Variants in THTPA observed in about 807,000 individuals in gnomAD.
The protein encoded by THTPA is thiamine triphosphatase, also known as thiamine-triphosphatase.
Under a neutral mutation model 16.5 loss-of-function variants are expected in THTPA, and 16 were observed. The observed-to-expected ratio is 0.97, with a 90% confidence interval of 0.66 to 1.47. The LOEUF (loss-of-function observed/expected upper bound fraction) is 1.47, where lower values mean the gene tolerates loss of function less well. Among genes scored for constraint, THTPA ranks in the 40% most tolerant of loss-of-function variants. The pLI, the probability that THTPA is intolerant of heterozygous loss-of-function variation, is 0.00. For missense variants in THTPA, 281 were observed against 280.9 expected (o/e 1.00, Z 0.00); for synonymous variants, 110 against 115.5 (o/e 0.95, Z 0.30).
the THTPA span, chr14:23,522,229 C>A: frequency 6.8e-7 from 1 of 1,478,640 alleles, no homozygotes; most frequent in South Asian, 1.3e-5. Context: ...ATGGGGGTGG[C>A]ATGGAGCCCC....
the THTPA span, among the ~76,000 whole-genome samples, chr14:23,517,779 C>T: frequency 6.6e-6 from 1 of 152,126 alleles, no homozygotes; most frequent in Admixed American, 6.5e-5. Flanking sequence ...TGCCATCCCC[C>T]TGTCCCCTCT....
the THTPA span, among the ~76,000 whole-genome samples, chr14:23,539,566 C>A: frequency 2.6e-5 from 4 of 152,110 alleles, no homozygotes; most frequent in African/African-American, 9.7e-5. Flanking sequence ...AGACAAAGGG[C>A]ATGGGCAAAG....
At chr14:23,540,773 T>C in the THTPA span, among the ~76,000 whole-genome samples, 1 of 152,216 alleles carries the variant, frequency 6.6e-6, no homozygotes, top group Non-Finnish European at 1.5e-5. Flanking sequence ...ATAGGTAACG[T>C]GTAAAGTGCA....
the THTPA span, among the ~76,000 whole-genome samples, chr14:23,516,138 G>A: frequency 6.6e-6 from 1 of 152,156 alleles, no homozygotes; most frequent in Admixed American, 6.5e-5. Flanking sequence ...AGAGGGCATA[G>A]AATCATTTCA....
chr14:23,525,944 T>G, the THTPA span: 2 of 1,477,020 alleles, frequency 1.4e-6, no homozygotes, highest in Admixed American at 2.2e-5. The surrounding 1 kb of genome is among the most constrained non-coding windows in gnomAD (Gnocchi z 5.9). Flanking sequence ...TGGGAATCGG[T>G]GCAGGTCCAA....
chr14:23,556,304 C>T lies in THTPA; in HGVS notation c.-454C>T. On this transcript the variant is annotated 5_prime_UTR_variant, in exon 1 of 2. Coordinates refer to ENST00000288014, the MANE Select transcript of THTPA (RefSeq NM_024328.6). ...CGAGTGTATGGCGTGGGCTCCCTTC[C>T]CCCTCTGTGGGTCCCGCGAGGAGAC... The T allele has an allele frequency of 6.2e-6, 1 of 160,174 alleles. No individual in the cohort carries two copies. The highest frequency in any genetic ancestry group is 1.4e-5 in the Non-Finnish European group (1 of 72,856). The allele number at this position is 160,174 out of a possible 1,614,324, so 9.9% of individuals were successfully genotyped here.
the THTPA span, chr14:23,524,516 A>G: frequency 6.5e-7 from 1 of 1,526,958 alleles, no homozygotes; most frequent in Non-Finnish European, 8.8e-7. This position sits in a 1 kb window ranked among gnomAD's most constrained non-coding sequence, Gnocchi z 5.6. Flanking sequence ...AAACACCAGC[A>G]AGGGCAGATC....
At chr14:23,530,765 C>T in the THTPA span, 1 of 277,610 alleles carries the variant, frequency 3.6e-6, no homozygotes, top group Non-Finnish European at 7.0e-6. Context: ...CACTTAACTC[C>T]AGCCAGCATA....
At chr14:23,536,054 A>G in the THTPA span, among the ~76,000 whole-genome samples, 2 of 152,224 alleles carry the variant, frequency 1.3e-5, no homozygotes, top group African/African-American at 2.4e-5. Flanking sequence ...AAACATGTCA[A>G]TCCCTCCATT....
chr14:23,523,901 G>A, the THTPA span: 1 of 1,536,214 alleles, frequency 6.5e-7, no homozygotes, highest in Non-Finnish European at 8.7e-7. This position sits in a 1 kb window ranked among gnomAD's most constrained non-coding sequence, Gnocchi z 4.1. Context: ...AGAAGCTTTA[G>A]GTGGTTCCTC....
the THTPA span, among the ~76,000 whole-genome samples, chr14:23,517,740 C>A: frequency 6.6e-6 from 1 of 152,062 alleles, no homozygotes; most frequent in Admixed American, 6.5e-5. Flanking sequence ...GGGGAGTGGA[C>A]CCCTCAACCA....
At position 23,558,974 on chromosome 14, in the gene THTPA, T is replaced by A; in HGVS notation, c.*134T>A. 1 of 1,081,826 alleles carries A rather than the reference T, an allele frequency of 9.2e-7. No homozygotes were observed. The highest frequency in any genetic ancestry group is 1.6e-5 in the South Asian group (1 of 61,428). The allele number at this position is 1,081,826 out of a possible 1,614,324, so 67.0% of individuals were successfully genotyped here. Reference sequence around the variant, plus strand: ...TCCAGCGCTGCCTGTTTCTTCCCCCTCCTCTAAGCTACTCTTCCTTGAGCC... The same window carrying A: ...TCCAGCGCTGCCTGTTTCTTCCCCCACCTCTAAGCTACTCTTCCTTGAGCC... On this transcript the variant is annotated 3_prime_UTR_variant, in exon 2 of 2. Transcript: ENST00000288014.
chr14:23,535,231 G>T, the THTPA span: 1 of 1,522,412 alleles, frequency 6.6e-7, no homozygotes. The surrounding 1 kb of genome is among the most constrained non-coding windows in gnomAD (Gnocchi z 4.5). Context: ...ATCAGAGGGG[G>T]TGCTGGAGGA....
the THTPA span, among the ~76,000 whole-genome samples, chr14:23,550,444 C>G: frequency 6.6e-6 from 1 of 152,190 alleles, no homozygotes; most frequent in Non-Finnish European, 1.5e-5. Flanking sequence ...AGGCGTGACA[C>G]ATAGTGATAG....
chr14:23,546,375 G>A, the THTPA span, among the ~76,000 whole-genome samples: 1 of 152,214 alleles, frequency 6.6e-6, no homozygotes, highest in Non-Finnish European at 1.5e-5. The surrounding 1 kb of genome is among the most constrained non-coding windows in gnomAD (Gnocchi z 4.7). Flanking sequence ...GGGGTGCTGA[G>A]CATCTCAGTA....
chr14:23,527,901 C>CA, the THTPA span: 3 of 448,786 alleles, frequency 6.7e-6, no homozygotes, highest in Non-Finnish European at 1.1e-5. Flanking sequence ...GCCCCCACTC[C>CA]TTTTTTTTTT....
chr14:23,518,785 C>T, the THTPA span, among the ~76,000 whole-genome samples: 1 of 152,198 alleles, frequency 6.6e-6, no homozygotes, highest in Non-Finnish European at 1.5e-5. The surrounding 1 kb of genome is among the most constrained non-coding windows in gnomAD (Gnocchi z 4.5). Context: ...GGAGAAATAC[C>T]ATGATTTAAT....
chr14:23,552,838 G>GTGATCCTGGTCTCGAACTCC, upstream of THTPA, among the ~76,000 whole-genome samples: 1 of 152,244 alleles, frequency 6.6e-6, no homozygotes, highest in Middle Eastern at 3.4e-3. Context: ...CTGACCTCAG[G>GTGATCCTGGTCTCGAACTCC]TGATCCACCG....
At chr14:23,533,658 G>A in the THTPA span, 1 of 1,537,368 alleles carries the variant, frequency 6.5e-7, no homozygotes, top group East Asian at 2.4e-5. This position sits in a 1 kb window ranked among gnomAD's most constrained non-coding sequence, Gnocchi z 4.8. Context: ...CTCCCGCGGA[G>A]GGTGGGAGTG....
Sources: allele counts gnomAD v4.1 joint callset (sites outside exome capture counted in the v4.1 genomes callset), GRCh38; gene constraint gnomAD v4.1.1; non-coding constraint Gnocchi (gnomAD v3.1); transcripts MANE v1.5; gene names NCBI Gene and HGNC (gene_info 2026-07-23, HGNC 2026-07-21).